The following PDGFC variants were observed in gnomAD, a reference collection of about 807,000 sequenced individuals.
PDGFC encodes the protein platelet derived growth factor C.
Under a neutral mutation model 35.5 loss-of-function variants are expected in PDGFC, and 12 were observed. The observed-to-expected ratio is 0.34, with a 90% CI of 0.22 to 0.55. PDGFC has a LOEUF of 0.55. Among genes scored for constraint, PDGFC ranks in the 20% least tolerant of loss-of-function variants. The pLI is 0.91. For missense variants in PDGFC, 322 were observed against 412.4 expected (o/e 0.78, Z 1.90); for synonymous variants, 159 against 148.8 (o/e 1.07, Z -0.50).
At chr4:156,870,560 G>T (rs1579067950) in intron 1 of PDGFC, among the ~76,000 whole-genome samples, 1 of 152,128 alleles carries the variant, frequency 6.6e-6, no homozygotes. Context: ...TATCCCTGTT[G>T]TATTTAAATG....
At chr4:156,926,855 G>C (rs1731427935) in intron 1 of PDGFC, among the ~76,000 whole-genome samples, 1 of 152,138 alleles carries the variant, frequency 6.6e-6, no homozygotes, top group Non-Finnish European at 1.5e-5. Flanking sequence ...GCTCCACTAG[G>C]TGGTGTCCCA....
At chr4:156,898,573 A>G (rs1461569336) in intron 1 of PDGFC, among the ~76,000 whole-genome samples, 1 of 152,198 alleles carries the variant, frequency 6.6e-6, no homozygotes, top group Non-Finnish European at 1.5e-5. Flanking sequence ...TTCCAGAGGA[A>G]GAGGCATTTG....
intron 3 of PDGFC, among the ~76,000 whole-genome samples, chr4:156,777,486 GAACATTTT>G (rs1260369468): frequency 6.6e-6 from 1 of 152,064 alleles, no homozygotes; most frequent in African/African-American, 2.4e-5. Flanking sequence ...TATAGTAAGA[GAACATTTT>G]AACATAGACA....
chr4:156,940,026 G>A (rs1409621024), intron 1 of PDGFC, among the ~76,000 whole-genome samples: 2 of 152,088 alleles, frequency 1.3e-5, no homozygotes, highest in African/African-American at 2.4e-5. Context: ...CAGAATATCT[G>A]AAGCAATCAA....
intron 1 of PDGFC, among the ~76,000 whole-genome samples, chr4:156,923,296 T>C (rs1485292686): frequency 6.6e-6 from 1 of 152,176 alleles, no homozygotes; most frequent in Non-Finnish European, 1.5e-5. Flanking sequence ...TAGACGCACC[T>C]GCCTCCGGTC....
At chr4:156,856,786 C>T (rs972155568) in intron 1 of PDGFC, among the ~76,000 whole-genome samples, 2 of 152,114 alleles carry the variant, frequency 1.3e-5, no homozygotes, top group Non-Finnish European at 2.9e-5. Flanking sequence ...ATATGATTTA[C>T]AATTTATAGA....
At chr4:156,936,391 C>A (rs1170592965) in intron 1 of PDGFC, among the ~76,000 whole-genome samples, 2 of 152,184 alleles carry the variant, frequency 1.3e-5, no homozygotes, top group African/African-American at 4.8e-5. Flanking sequence ...CCTCTCAACT[C>A]ATTCCTAACC....
chr4:156,884,263 C>A (rs888244441), intron 1 of PDGFC, among the ~76,000 whole-genome samples: 2 of 152,158 alleles, frequency 1.3e-5, no homozygotes, highest in African/African-American at 4.8e-5. Flanking sequence ...GTAAGGTCAA[C>A]CCTCAGGGCT....
chr4:156,776,288 T>A (rs1730827121), intron 3 of PDGFC, among the ~76,000 whole-genome samples: 1 of 152,214 alleles, frequency 6.6e-6, no homozygotes, highest in South Asian at 2.1e-4. Context: ...TTAAACTGGT[T>A]AGAATATGCA....
At chr4:156,947,015 C>A (rs1324711103) in intron 1 of PDGFC, among the ~76,000 whole-genome samples, 1 of 152,044 alleles carries the variant, frequency 6.6e-6, no homozygotes, top group African/African-American at 2.4e-5. Flanking sequence ...TCTCTCTGCT[C>A]AGCTAGCCTA....
chr4:156,813,076 T>C (rs973654390), intron 2 of PDGFC, among the ~76,000 whole-genome samples: 6 of 152,072 alleles, frequency 3.9e-5, no homozygotes, highest in Non-Finnish European at 5.9e-5. Context: ...AGGCAGTGTA[T>C]GTGTGTGGTT....
At chr4:156,929,447 A>G (rs1731496874) in intron 1 of PDGFC, among the ~76,000 whole-genome samples, 1 of 151,544 alleles carries the variant, frequency 6.6e-6, no homozygotes, top group African/African-American at 2.4e-5. Context: ...AGTTCATAAA[A>G]TCAGCATTCG....
chr4:156,855,137 G>A (rs191185713), intron 1 of PDGFC, among the ~76,000 whole-genome samples: 1 of 152,162 alleles, frequency 6.6e-6, no homozygotes, highest in Non-Finnish European at 1.5e-5. Context: ...ATATCTGTAA[G>A]TAGTCAGTTT....
intron 1 of PDGFC, among the ~76,000 whole-genome samples, chr4:156,962,241 C>T (rs1032224052): frequency 2.6e-5 from 4 of 152,084 alleles, no homozygotes; most frequent in South Asian, 4.1e-4. Context: ...TCTTGTCTCT[C>T]GCCCATGATA....
chr4:156,864,367 T>A (rs1729785217), intron 1 of PDGFC, among the ~76,000 whole-genome samples: 2 of 152,142 alleles, frequency 1.3e-5, no homozygotes, highest in African/African-American at 4.8e-5. Context: ...TAATTCACCA[T>A]GATATATGAG....
intron 1 of PDGFC, among the ~76,000 whole-genome samples, chr4:156,960,097 A>G (rs1732306289): frequency 6.6e-6 from 1 of 151,744 alleles, no homozygotes; most frequent in African/African-American, 2.4e-5. Context: ...TCAATTAGGT[A>G]TCTCGACTCA....
chr4:156,868,615 T>C (rs1220013305), intron 1 of PDGFC, among the ~76,000 whole-genome samples: 2 of 152,188 alleles, frequency 1.3e-5, no homozygotes, highest in Admixed American at 1.3e-4. Context: ...ATACAGACAT[T>C]TTCAACTGTT....
At position 156,763,340 on chromosome 4, in the gene PDGFC, G is replaced by A. The variant is rs1458549801; in HGVS notation, c.922-134C>T. The A allele has an allele frequency of 3.1e-5, 12 of 390,250 alleles. No individual in the cohort carries two copies. In the Admixed American group the frequency reaches 3.5e-4, roughly 11 times the overall value. The allele number at this position is 390,250 out of a possible 1,614,324, so 24.2% of individuals were successfully genotyped here. On this transcript the variant is annotated intron_variant, in intron 5 of 5. Transcript: ENST00000502773. ...CATATTTTAATTTTTCCTAGAGCAC[G>A]CATTATGAAAACACTCTCCCACCAA...
intron 1 of PDGFC, among the ~76,000 whole-genome samples, chr4:156,926,049 C>CAAAAAAAAAAAAAAAA: frequency 1.5e-5 from 1 of 67,546 alleles, no homozygotes; most frequent in Non-Finnish European, 2.5e-5. Flanking sequence ...AGATCTGTCT[C>CAAAAAAAAAAAAAAAA]AAAAAAAAAA....
Sources: allele counts gnomAD v4.1 joint callset (sites outside exome capture counted in the v4.1 genomes callset), GRCh38; gene constraint gnomAD v4.1.1; transcripts MANE v1.5; gene names NCBI Gene and HGNC (gene_info 2026-07-23, HGNC 2026-07-21).